Variants in PRMT3 observed in about 807,000 individuals in gnomAD.
The protein encoded by PRMT3 is protein arginine N-methyltransferase 3.
A neutral mutation model predicts 71.9 loss-of-function variants in PRMT3; 62 were observed. The ratio of observed to expected loss-of-function variants is 0.86; its 90% CI spans 0.70 to 1.07. PRMT3 has a LOEUF of 1.07. PRMT3 is among the 50% of genes least tolerant of loss of function. PRMT3 has a pLI of 0.00. For missense variants in PRMT3, 663 were observed against 643.0 expected (o/e 1.03, Z -0.34); for synonymous variants, 213 against 220.4 (o/e 0.97, Z 0.30).
At chr11:20,461,357 C>G (rs1261330521) in intron 11 of PRMT3, among the ~76,000 whole-genome samples, 1 of 152,176 alleles carries the variant, frequency 6.6e-6, no homozygotes, top group Non-Finnish European at 1.5e-5. Flanking sequence ...CTTGGATGCT[C>G]CTGTTCTTAG....
chr11:20,406,470 C>G (rs1849073568), intron 8 of PRMT3: 1 of 152,172 alleles, frequency 6.6e-6, no homozygotes, highest in Admixed American at 6.5e-5. Flanking sequence ...CAGCGAATGT[C>G]AGAATTTTTT....
chr11:20,452,030 A>T, intron 10 of PRMT3, 100 bp from the exon 11 acceptor site: 1 of 807,292 alleles, frequency 1.2e-6, no homozygotes, highest in East Asian at 2.9e-5. Context: ...CAGAAAAAAA[A>T]ATATTCTGTA....
At chr11:20,483,213 ACTT>A (rs764980324) in intron 13 of PRMT3, among the ~76,000 whole-genome samples, 3 of 151,984 alleles carry the variant, frequency 2.0e-5, no homozygotes, top group African/African-American at 7.2e-5. Context: ...TCAGTTTTAA[ACTT>A]CTTCAGCAGT....
intron 10 of PRMT3, among the ~76,000 whole-genome samples, chr11:20,429,844 A>G (rs530090246): frequency 6.6e-6 from 1 of 152,338 alleles, no homozygotes; most frequent in African/African-American, 2.4e-5. Flanking sequence ...AAGGCTTAAG[A>G]AGGCTTGTGC....
chr11:20,402,269 G>T (rs960535239), intron 7 of PRMT3, among the ~76,000 whole-genome samples: 14 of 151,836 alleles, frequency 9.2e-5, no homozygotes, highest in Non-Finnish European at 1.9e-4. Flanking sequence ...ACAGGCATGC[G>T]CCACCACACC....
At chr11:20,417,832 A>G (rs1036094755) in intron 9 of PRMT3, among the ~76,000 whole-genome samples, 5 of 151,598 alleles carry the variant, frequency 3.3e-5, no homozygotes, top group African/African-American at 1.2e-4. Flanking sequence ...ACCCTCTTCT[A>G]CTCCCATACC....
chr11:20,485,973 A>G (rs1851062113), intron 13 of PRMT3, among the ~76,000 whole-genome samples: 1 of 152,242 alleles, frequency 6.6e-6, no homozygotes, highest in African/African-American at 2.4e-5. Context: ...TCTATCACCT[A>G]TAGAATGGAT....
rs368020111 is a variant in PRMT3 at position 20,508,341 on chromosome 11, T to C, written c.1524T>C (p.Asn508=). Residue 508 remains asparagine, a synonymous_variant, in exon 16 of 16, where the codon AAT becomes AAC. Coordinates refer to ENST00000331079, the MANE Select transcript of PRMT3 (RefSeq NM_005788.4). ...ALKGKVTVHK[N]KKDPRSLTVT... is the part of the protein sequence containing the mutation. ...AAGGAAAGGTCACAGTTCACAAGAA[T>C]AAGAAAGATCCACGTTCTCTCACCG... The C allele has an allele frequency of 1.9e-5, 31 of 1,611,984 alleles. No individual in the cohort carries two copies. In the African/African-American group the frequency reaches 4.1e-4, roughly 22 times the overall value.
intron 10 of PRMT3, among the ~76,000 whole-genome samples, chr11:20,436,656 C>G (rs1849766905): frequency 6.6e-6 from 1 of 151,546 alleles, no homozygotes; most frequent in South Asian, 2.1e-4. Flanking sequence ...AAGTGATCTT[C>G]TGATGTGCCA....
At chr11:20,476,299 G>T (rs923080778) in intron 13 of PRMT3, among the ~76,000 whole-genome samples, 49 of 152,082 alleles carry the variant, frequency 3.2e-4, no homozygotes, top group African/African-American at 1.1e-3. Context: ...GTTGCAGTGA[G>T]CTAGATCACC....
At position 20,462,105 on chromosome 11, in the gene PRMT3, C is replaced by A; in HGVS notation, c.1198C>A (p.Pro400Thr). Residue 400 changes from proline (P) to threonine (T), a missense_variant, in exon 12 of 16, where the codon CCA becomes ACA. Pro to Thr is a conservative substitution (Grantham distance 38). Coordinates refer to ENST00000331079, the MANE Select transcript of PRMT3 (RefSeq NM_005788.4). Reference sequence around the variant, plus strand: ...GTCCTGCATGAAGAAAGCAGTTATTCCAGAAGCTGTTGTGGAAGTTTTAGA... The same window carrying A: ...GTCCTGCATGAAGAAAGCAGTTATTACAGAAGCTGTTGTGGAAGTTTTAGA... The part of the protein sequence containing the change: ...KMSCMKKAVI[P>T]EAVVEVLDPK... 6.2e-7 allele frequency: 1 copy of A among 1,612,864 alleles called. No individual in the cohort carries two copies. The highest frequency in any genetic ancestry group is 2.2e-5 in the East Asian group (1 of 44,814).
chr11:20,496,900 C>T (rs1207825502), intron 15 of PRMT3, among the ~76,000 whole-genome samples: 1 of 152,126 alleles, frequency 6.6e-6, no homozygotes, highest in African/African-American at 2.4e-5. Flanking sequence ...GAAATAAAAC[C>T]TTGATGGTGT....
chr11:20,450,474 A>T (rs932171709), intron 10 of PRMT3, among the ~76,000 whole-genome samples: 3 of 152,194 alleles, frequency 2.0e-5, no homozygotes, highest in African/African-American at 4.8e-5. Flanking sequence ...GAATACATAG[A>T]TAATATTAAT....
intron 2 of PRMT3, 100 bp from the exon 3 acceptor site, chr11:20,389,644 C>T: frequency 1.5e-6 from 1 of 655,424 alleles, no homozygotes. Flanking sequence ...AACTAGAAAC[C>T]AGCAGAGTTA....
intron 10 of PRMT3, among the ~76,000 whole-genome samples, chr11:20,436,769 A>T (rs1849769924): frequency 6.6e-6 from 1 of 151,014 alleles, no homozygotes; most frequent in Non-Finnish European, 1.5e-5. Context: ...TCTTTAACTG[A>T]TTTTGTTATC....
intron 13 of PRMT3, among the ~76,000 whole-genome samples, chr11:20,477,145 T>C (rs1425919064): frequency 2.0e-5 from 3 of 152,192 alleles, no homozygotes; most frequent in Admixed American, 1.3e-4. Context: ...ACAGTCTTAA[T>C]AGCATCTCAG....
At chr11:20,389,681 C>T in intron 2 of PRMT3, 63 bp from the exon 3 acceptor site, 1 of 1,110,838 alleles carries the variant, frequency 9.0e-7, no homozygotes, top group Non-Finnish European at 1.3e-6. Context: ...GTATATGTAA[C>T]ATGAAATCAG....
At chr11:20,434,679 G>A (rs774541354) in intron 10 of PRMT3, among the ~76,000 whole-genome samples, 8 of 152,112 alleles carry the variant, frequency 5.3e-5, no homozygotes, top group African/African-American at 1.9e-4. Context: ...TCTTCAATCC[G>A]ATTGAAGGTT....
Position 20,493,357 on chromosome 11 carries a change from A to G in PRMT3, c.1348-562A>G, listed in dbSNP as rs151275214. Among the ~76,000 whole-genome samples the G allele has an allele frequency of 8.0e-4, 122 of 152,384 alleles. 1 individual carries two copies. In the East Asian group the frequency reaches 0.02, roughly 25 times the overall value. On this transcript the variant is annotated intron_variant, in intron 13 of 15. Coordinates refer to ENST00000331079, the MANE Select transcript of PRMT3 (RefSeq NM_005788.4). ...AAGAAATTAAATGAACTGGCTTTGT[A>G]TAAATAGGATGTTTTAATTATTTAT...
Sources: gnomAD v4.1 joint callset for allele counts (sites outside exome capture counted in the v4.1 genomes callset) on GRCh38, gnomAD v4.1.1 for gene constraint, MANE v1.5 for transcripts, NCBI Gene and HGNC (gene_info 2026-07-23, HGNC 2026-07-21) for gene names.